The following DOCK3 variants were observed in gnomAD, a reference collection of about 807,000 sequenced individuals.
The protein encoded by DOCK3 is dedicator of cytokinesis 3.
DOCK3 carries 60 observed loss-of-function variants against 265.6 expected under a neutral mutation model. That is an observed-to-expected ratio of 0.23 (90% CI 0.18 to 0.28). DOCK3 has a LOEUF of 0.28. Among genes scored for constraint, DOCK3 ranks in the 10% least tolerant of loss-of-function variants. The probability of loss-of-function intolerance (pLI) is 1.00; values close to 1 mark genes in which losing one functional copy is unlikely to be tolerated. For synonymous variants in DOCK3, 881 were observed against 938.0 expected (o/e 0.94, Z 1.11); for missense variants, 1,981 against 2,594.3 (o/e 0.76, Z 5.14).
intron 4 of DOCK3, among the ~76,000 whole-genome samples, chr3:50,923,247 T>G (rs1303092104): frequency 6.6e-6 from 1 of 152,234 alleles, no homozygotes; most frequent in Non-Finnish European, 1.5e-5. Context: ...AAGCATCTTT[T>G]TTTGTATAAT....
intron 5 of DOCK3, among the ~76,000 whole-genome samples, chr3:50,937,992 C>G (rs1426063675): frequency 6.6e-6 from 1 of 151,874 alleles, no homozygotes; most frequent in Non-Finnish European, 1.5e-5. Context: ...TTCAAACTCA[C>G]TTGTCTATAT....
chr3:50,845,142 G>C (rs1365284513), intron 3 of DOCK3, among the ~76,000 whole-genome samples: 1 of 152,070 alleles, frequency 6.6e-6, no homozygotes, highest in Admixed American at 6.6e-5. Flanking sequence ...AGAATCGCTT[G>C]AACTCGGGAG....
chr3:51,312,135 A>T lies in DOCK3; in HGVS notation c.3093+56A>T, dbSNP rs141773744. 644 of 1,455,638 alleles carry T rather than the reference A, an allele frequency of 4.4e-4. 1 individual carries two copies. In the African/African-American group the frequency reaches 7.7e-3, roughly 17 times the overall value. The allele number at this position is 1,455,638 out of a possible 1,614,324, so 90.2% of individuals were successfully genotyped here. ...ATTGCAATAACCTTAGAAAGCCAAAACCAAGCTCACTTGTTTTTTGCTTTA... is the reference window on the plus strand; with the variant it reads ...ATTGCAATAACCTTAGAAAGCCAAATCCAAGCTCACTTGTTTTTTGCTTTA... On this transcript the variant is annotated intron_variant, in intron 29 of 52. Coordinates refer to ENST00000266037, the MANE Select transcript of DOCK3 (RefSeq NM_004947.5).
intron 6 of DOCK3, among the ~76,000 whole-genome samples, chr3:51,069,843 G>C (rs1174282141): frequency 6.6e-6 from 1 of 152,148 alleles, no homozygotes; most frequent in Non-Finnish European, 1.5e-5. Context: ...TTTTAGCCAG[G>C]ATCTAGAAAG....
intron 16 of DOCK3, 49 bp from the exon 17 acceptor site, chr3:51,227,933 G>A: frequency 6.4e-7 from 1 of 1,569,446 alleles, no homozygotes; most frequent in South Asian, 1.1e-5. Context: ...TTTCCATGAG[G>A]AAGCAGAGTG....
intron 5 of DOCK3, among the ~76,000 whole-genome samples, chr3:51,039,505 T>C (rs1264969085): frequency 1.3e-5 from 2 of 152,228 alleles, no homozygotes; most frequent in Non-Finnish European, 2.9e-5. Flanking sequence ...GCTGTACTTT[T>C]ACCATGATTT....
intron 40 of DOCK3, among the ~76,000 whole-genome samples, chr3:51,350,956 G>A (rs2085936375): frequency 6.6e-6 from 1 of 152,212 alleles, no homozygotes; most frequent in African/African-American, 2.4e-5. Context: ...CCTCTTCTAG[G>A]CAGCCAGTTC....
At chr3:51,087,934 G>T (rs2082490795) in intron 7 of DOCK3, among the ~76,000 whole-genome samples, 1 of 152,052 alleles carries the variant, frequency 6.6e-6, no homozygotes, top group Non-Finnish European at 1.5e-5. Context: ...GTATATAAAT[G>T]AGACACCAGC....
intron 12 of DOCK3, among the ~76,000 whole-genome samples, chr3:51,192,428 A>G (rs751044784): frequency 9.9e-5 from 15 of 151,734 alleles, no homozygotes; most frequent in Non-Finnish European, 1.9e-4. Flanking sequence ...AATATCCCTG[A>G]TAAACACAGA....
chr3:51,144,826 A>G (rs1413289813), intron 9 of DOCK3, among the ~76,000 whole-genome samples: 1 of 152,214 alleles, frequency 6.6e-6, no homozygotes, highest in Admixed American at 6.5e-5. Context: ...AACAAACTAA[A>G]CTGATACTAC....
chr3:50,968,801 C>T (rs1252171595), intron 5 of DOCK3, among the ~76,000 whole-genome samples: 2 of 152,168 alleles, frequency 1.3e-5, no homozygotes, highest in Non-Finnish European at 2.9e-5. Context: ...CCACGTGCCT[C>T]GGCCTCCCAA....
chr3:50,695,071 G>A (rs1054425334), intron 1 of DOCK3, among the ~76,000 whole-genome samples: 5 of 152,122 alleles, frequency 3.3e-5, no homozygotes, highest in African/African-American at 7.2e-5. Flanking sequence ...TAAAAATAAT[G>A]CAATCTTTTT....
At chr3:50,936,391 T>G (rs2051363418) in intron 5 of DOCK3, among the ~76,000 whole-genome samples, 1 of 151,924 alleles carries the variant, frequency 6.6e-6, no homozygotes, top group Non-Finnish European at 1.5e-5. Flanking sequence ...AATTTTTTTT[T>G]TTTTTAAGAA....
intron 1 of DOCK3, among the ~76,000 whole-genome samples, chr3:50,741,232 G>A (rs1284323728): frequency 6.6e-6 from 1 of 151,118 alleles, no homozygotes; most frequent in African/African-American, 2.4e-5. Context: ...AATAATCTAT[G>A]AACATTGATG....
intron 3 of DOCK3, among the ~76,000 whole-genome samples, chr3:50,881,769 A>G (rs2048037910): frequency 6.6e-6 from 1 of 152,208 alleles, no homozygotes; most frequent in Non-Finnish European, 1.5e-5. Flanking sequence ...AAACTACTTT[A>G]AAGTTTATAT....
intron 2 of DOCK3, among the ~76,000 whole-genome samples, chr3:50,828,351 A>G (rs951563487): frequency 2.0e-5 from 3 of 152,286 alleles, no homozygotes; most frequent in South Asian, 4.1e-4. Context: ...ACTATGGTCT[A>G]TATTTTACTT....
At chr3:50,762,065 T>G (rs1576361089) in intron 1 of DOCK3, among the ~76,000 whole-genome samples, 1 of 152,024 alleles carries the variant, frequency 6.6e-6, no homozygotes. Context: ...ATGAGAACAC[T>G]TGGACACAGG....
intron 2 of DOCK3, among the ~76,000 whole-genome samples, chr3:50,819,441 A>G (rs2044278436): frequency 1.3e-5 from 2 of 152,224 alleles, no homozygotes; most frequent in Admixed American, 1.3e-4. Flanking sequence ...TTTCTCTTTT[A>G]AAGTGTATTG....
intron 1 of DOCK3, among the ~76,000 whole-genome samples, chr3:50,748,081 CTTT>C (rs1377403789): frequency 6.6e-6 from 1 of 151,954 alleles, no homozygotes; most frequent in Admixed American, 6.6e-5. Context: ...ATTTGTATGC[CTTT>C]TATTTATTTT....
Sources: gnomAD v4.1 joint callset for allele counts (sites outside exome capture counted in the v4.1 genomes callset) on GRCh38, gnomAD v4.1.1 for gene constraint, MANE v1.5 for transcripts, NCBI Gene and HGNC (gene_info 2026-07-23, HGNC 2026-07-21) for gene names.